DYNC1I1: variants seen among roughly 807,000 people sequenced by gnomAD.
The protein encoded by DYNC1I1 is dynein cytoplasmic 1 intermediate chain 1, also known as cytoplasmic dynein 1 intermediate chain 1.
A neutral mutation model predicts 86.6 loss-of-function variants in DYNC1I1; 43 were observed. The ratio of observed to expected loss-of-function variants is 0.50; its 90% CI spans 0.39 to 0.64. The LOEUF is 0.64. Ranked by LOEUF, DYNC1I1 falls within the 30% of genes least tolerant of loss-of-function variation. DYNC1I1 has a pLI of 0.00. For synonymous variants in DYNC1I1, 262 were observed against 283.7 expected, an observed-to-expected ratio of 0.92 and a Z score of 0.77; for missense variants, 604 against 788.8, an observed-to-expected ratio of 0.77 and a Z score of 2.81.
intron 9 of DYNC1I1, among the ~76,000 whole-genome samples, chr7:95,995,176 G>C (rs1260322287): frequency 6.6e-6 from 1 of 152,030 alleles, no homozygotes; most frequent in Non-Finnish European, 1.5e-5. Context: ...GAACCCCTGA[G>C]GTGGAGCTTG....
At chr7:96,049,150 C>T (rs1170760984) in intron 14 of DYNC1I1, among the ~76,000 whole-genome samples, 5 of 150,182 alleles carry the variant, frequency 3.3e-5, no homozygotes, top group South Asian at 2.1e-4. Flanking sequence ...CCCAGCTACT[C>T]GGGAGGCTGA....
rs1790106632 is a variant in DYNC1I1 at position 95,869,565 on chromosome 7, C to T, written c.375-318C>T. On this transcript the variant is annotated intron_variant, in intron 5 of 16. Transcript: ENST00000447467. ...AATCCTGTATTGCAAATGGAAGTTC[C>T]CTCAATAAATTTTAACTGAGTAGAA... Among the ~76,000 whole-genome samples the T allele has an allele frequency of 2.0e-5, 3 of 151,968 alleles. No homozygotes were observed. The South Asian group carries it at 6.2e-4, about 32-fold the overall frequency.
rs534730409 is a variant in DYNC1I1 at position 96,061,781 on chromosome 7, CTT to C, written c.1510-14274_1510-14273del. Among the ~76,000 whole-genome samples the C allele has an allele frequency of 1.8e-3, 272 of 149,304 alleles. 1 individual carries two copies. The highest frequency in any genetic ancestry group is 6.3e-3 in the African/African-American group (257 of 40,682). On this transcript the variant is annotated intron_variant, in intron 14 of 16. Transcript: ENST00000447467. ...ACACACTCCAATTTATCAAAAATCA[CTT>C]TGGAATTTAAAATCTCAGCTAATGA...
chr7:95,861,651 C>G lies in DYNC1I1; in HGVS notation c.375-8232C>G, dbSNP rs150510347. Among the ~76,000 whole-genome samples the G allele has an allele frequency of 2.4e-3, 358 of 151,992 alleles. 7 individuals are homozygous for G. In the East Asian group the frequency reaches 0.061, roughly 26 times the overall value. On this transcript the variant is annotated intron_variant, in intron 5 of 16. Transcript: ENST00000447467. ...TTTTACTTTTCTTAAATATGAAGCG[C>G]AGAAACAGCAAGTTGGCTATATATA... is the stretch of plus-strand genomic sequence containing the variant.
chr7:95,937,922 A>G (rs1792091861), intron 6 of DYNC1I1, among the ~76,000 whole-genome samples: 1 of 152,056 alleles, frequency 6.6e-6, no homozygotes, highest in Admixed American at 6.6e-5. Flanking sequence ...ATACTTATAT[A>G]TGTATACCTC....
At chr7:96,059,443 G>A (rs1034296615) in intron 14 of DYNC1I1, among the ~76,000 whole-genome samples, 5 of 152,068 alleles carry the variant, frequency 3.3e-5, no homozygotes, top group Admixed American at 3.3e-4. Context: ...GTACATCAGG[G>A]GACTCAAATT....
intron 1 of DYNC1I1, among the ~76,000 whole-genome samples, chr7:95,775,392 A>T (rs551679819): frequency 6.6e-6 from 1 of 152,380 alleles, no homozygotes; most frequent in East Asian, 1.9e-4. Flanking sequence ...GAGTTAAATG[A>T]CATACTCAAC....
At chr7:95,778,028 C>A (rs1283503156) in intron 1 of DYNC1I1, among the ~76,000 whole-genome samples, 2 of 152,118 alleles carry the variant, frequency 1.3e-5, no homozygotes, top group Non-Finnish European at 2.9e-5. Context: ...TTCTTTGAAT[C>A]CAATTAAAAT....
In DYNC1I1 at chr7:96,078,148, T is replaced by G. The variant is rs549912282; in HGVS notation, c.1650+1951T>G. Among the ~76,000 whole-genome samples the G allele has an allele frequency of 6.6e-5, 10 of 152,302 alleles. No homozygotes were observed. The South Asian group carries it at 2.1e-3, about 32-fold the overall frequency. ...TTATCAGTAGAGCAGTATGTTTGGTTGTTGTTTTTATTATTACATTTTTGG... is the reference window on the plus strand; with the variant it reads ...TTATCAGTAGAGCAGTATGTTTGGTGGTTGTTTTTATTATTACATTTTTGG... On this transcript the variant is annotated intron_variant, in intron 15 of 16. Coordinates refer to ENST00000447467, the MANE Select transcript of DYNC1I1 (RefSeq NM_001135556.2).
chr7:95,872,850 G>C (rs34146891), intron 6 of DYNC1I1, among the ~76,000 whole-genome samples: 1 of 152,182 alleles, frequency 6.6e-6, no homozygotes, highest in Non-Finnish European at 1.5e-5. Flanking sequence ...CTGCCTCTCT[G>C]TTGCCTATTA....
At chr7:96,035,283 C>T (rs902917616) in intron 12 of DYNC1I1, among the ~76,000 whole-genome samples, 3 of 152,186 alleles carry the variant, frequency 2.0e-5, no homozygotes, top group Non-Finnish European at 4.4e-5. Flanking sequence ...TTTGTAAATA[C>T]AAGGGTATTG....
intron 6 of DYNC1I1, among the ~76,000 whole-genome samples, chr7:95,977,244 C>T (rs913323937): frequency 5.9e-5 from 9 of 152,154 alleles, no homozygotes; most frequent in South Asian, 2.1e-4. Context: ...AGACATCCCA[C>T]GTGGTGAGGG....
chr7:96,081,233 G>A (rs1301633084), intron 16 of DYNC1I1, among the ~76,000 whole-genome samples: 2 of 151,246 alleles, frequency 1.3e-5, no homozygotes, highest in African/African-American at 2.4e-5. Flanking sequence ...GTGCCACTTG[G>A]TGGTATTCAA....
chr7:96,099,271 T>TA (rs1791091575), downstream of DYNC1I1, among the ~76,000 whole-genome samples: 1 of 152,186 alleles, frequency 6.6e-6, no homozygotes, highest in Non-Finnish European at 1.5e-5. Context: ...CATGTGTTCT[T>TA]ATATATCCCA....
intron 5 of DYNC1I1, among the ~76,000 whole-genome samples, chr7:95,840,023 A>T (rs539353607): frequency 1.3e-5 from 2 of 152,040 alleles, no homozygotes; most frequent in African/African-American, 4.8e-5. Context: ...AACTTTTGAC[A>T]ATTTATTTAT....
chr7:95,942,134 TAAA>T (rs1341215527), intron 6 of DYNC1I1, among the ~76,000 whole-genome samples: 1 of 151,536 alleles, frequency 6.6e-6, no homozygotes, highest in African/African-American at 2.4e-5. Context: ...GCAAGACTAA[TAAA>T]GAAGAAAAGA....
At chr7:95,920,394 C>CA (rs750055772) in intron 6 of DYNC1I1, among the ~76,000 whole-genome samples, 6 of 152,132 alleles carry the variant, frequency 3.9e-5, no homozygotes, top group Admixed American at 1.3e-4. Flanking sequence ...CCTAAGGAGA[C>CA]ATGATGAATA....
intron 6 of DYNC1I1, among the ~76,000 whole-genome samples, chr7:95,905,224 GC>G (rs5885932): frequency 0.24 from 37,241 of 152,098 alleles, 4,936 homozygotes; most frequent in Admixed American, 0.39. Flanking sequence ...GTGCATTTTG[GC>G]TTGGAAAGTA....
rs1324546716 is a variant in DYNC1I1, at chr7:95,851,157, A to G, written c.375-18726A>G. 3.3e-5 allele frequency among the ~76,000 whole-genome samples: 5 copies of G among 151,974 alleles called. No individual in the cohort carries two copies. The South Asian group carries it at 1.0e-3, about 32-fold the overall frequency. On this transcript the variant is annotated intron_variant, in intron 5 of 16. Coordinates refer to ENST00000447467, the MANE Select transcript of DYNC1I1 (RefSeq NM_001135556.2). ...ACTTTGTTGCCCAGGCTGGTCTCAAACCCCTGGCCTCAAGCAATCCTCCAG... is the reference window on the plus strand; with the variant it reads ...ACTTTGTTGCCCAGGCTGGTCTCAAGCCCCTGGCCTCAAGCAATCCTCCAG...
Sources: gnomAD v4.1 joint callset for allele counts (sites outside exome capture counted in the v4.1 genomes callset) on GRCh38, gnomAD v4.1.1 for gene constraint, MANE v1.5 for transcripts, NCBI Gene and HGNC (gene_info 2026-07-23, HGNC 2026-07-21) for gene names.